The following SRCIN1 variants were observed in gnomAD, a reference collection of about 807,000 sequenced individuals.
SRCIN1 encodes the protein P130Cas-associated protein.
Under a neutral mutation model 116.2 loss-of-function variants are expected in SRCIN1, and 50 were observed. That is an observed-to-expected ratio of 0.43 (90% CI 0.34 to 0.54). SRCIN1 has a LOEUF of 0.54. Among genes scored for constraint, SRCIN1 ranks in the 20% least tolerant of loss-of-function variants. The pLI is 0.02. For synonymous variants in SRCIN1, 736 were observed against 750.0 expected (o/e 0.98, Z 0.30); for missense variants, 1,446 against 1,672.0 (o/e 0.86, Z 2.36).
Position 38,558,299 on chromosome 17 carries a change from C to G in SRCIN1, c.2129G>C (p.Arg710Pro), listed in dbSNP as rs757351056. The part of the protein sequence containing the change: ...AARRQEDPLQ[R>P]QRTLVEEERL... ...TTCCTCTTCCACCAGGGTGCGCTGC[C>G]GCTGCAGCGGGTCCTCCTGCCGCCG... The change falls in exon 11 of 19, where the codon CGG becomes CCG. Residue 710 changes from arginine (R) to proline (P), a missense_variant. Physicochemically the swap from Arg to Pro is moderately radical, Grantham distance 103 (BLOSUM62 -2). Around this residue, in one of 5 missense-constraint regions of SRCIN1, gnomAD observed 398 missense variants for 385.6 expected, o/e 1.03. Transcript: ENST00000617146. This position sits in a 1 kb window ranked among gnomAD's most constrained non-coding sequence, Gnocchi z 4.6. The G allele has an allele frequency of 6.2e-7, 1 of 1,611,960 alleles. No homozygotes were observed. Among genetic ancestry groups the G allele is most frequent in the Admixed American group, 1.7e-5 (1 of 60,012 alleles).
intron 17 of SRCIN1, among the ~76,000 whole-genome samples, chr17:38,545,714 CT>C (rs1181654471): frequency 2.0e-4 from 30 of 152,222 alleles, no homozygotes; most frequent in African/African-American, 7.2e-4. Flanking sequence ...CACACATTTA[CT>C]TTACACCACC....
Position 38,604,692 on chromosome 17 carries a change from C to T in SRCIN1, c.22+992G>A. ...TGAGCTGCGGAGGCACCCGGCCTGT[C>T]CCCTCTGCTTCCACCAGCATCCTGC... On this transcript the variant is annotated intron_variant, in intron 1 of 18. Transcript: ENST00000617146. The surrounding 1 kb of genome is among the most constrained non-coding windows in gnomAD (Gnocchi z 4.3). The T allele has an allele frequency of 2.9e-6, 1 of 347,508 alleles. No individual in the cohort carries two copies. Among genetic ancestry groups the T allele is most frequent in the South Asian group, 2.1e-5 (1 of 48,098 alleles). The allele number at this position is 347,508 out of a possible 1,614,324, so 21.5% of individuals were successfully genotyped here.
intron 2 of SRCIN1, among the ~76,000 whole-genome samples, chr17:38,578,255 C>T (rs1428979555): frequency 6.6e-6 from 1 of 152,252 alleles, no homozygotes; most frequent in Non-Finnish European, 1.5e-5. Context: ...TTCCGGACTG[C>T]AGGCAGAGGT....
chr17:38,537,856 CTT>C (rs1379568020), intron 18 of SRCIN1, among the ~76,000 whole-genome samples: 2 of 150,720 alleles, frequency 1.3e-5, no homozygotes, highest in African/African-American at 2.4e-5. Flanking sequence ...AATCCCAGCA[CTT>C]TGGGAGGCTG....
rs1276263393 is a variant in SRCIN1 at position 38,605,910 on chromosome 17, C to T, written c.-205G>A. The T allele has an allele frequency of 6.9e-6, 1 of 144,152 alleles. No homozygotes were observed. The highest frequency in any genetic ancestry group is 1.5e-5 in the Non-Finnish European group (1 of 65,086). The allele number at this position is 144,152 out of a possible 1,614,324, so 8.9% of individuals were successfully genotyped here. ...GTGAGCGCGCGCGCGGGCGTGTCACCGAGTGTGCGAGAGCGAGTGTGTGTG... is the reference window on the plus strand; with the variant it reads ...GTGAGCGCGCGCGCGGGCGTGTCACTGAGTGTGCGAGAGCGAGTGTGTGTG... On this transcript the variant is annotated 5_prime_UTR_variant, in exon 1 of 19. Transcript: ENST00000617146.
intron 1 of SRCIN1, among the ~76,000 whole-genome samples, chr17:38,588,910 C>T (rs1313004315): frequency 3.3e-5 from 5 of 152,102 alleles, no homozygotes; most frequent in Non-Finnish European, 7.4e-5. Flanking sequence ...CAGGCTCTCC[C>T]TAGGAGGCCT....
intron 7 of SRCIN1, 137 bp downstream of exon 7, chr17:38,561,326 C>A (rs923851958): frequency 1.5e-5 from 16 of 1,102,724 alleles, no homozygotes; most frequent in Middle Eastern, 3.1e-4. Context: ...TCTGGCGACC[C>A]TTCAAGACTA....
chr17:38,605,410 G>A (rs1408882469), intron 1 of SRCIN1, among the ~76,000 whole-genome samples: 1 of 145,184 alleles, frequency 6.9e-6, no homozygotes, highest in East Asian at 2.1e-4. Flanking sequence ...GGGGCGTAGT[G>A]AGGCCCTCCC....
intron 1 of SRCIN1, among the ~76,000 whole-genome samples, chr17:38,593,195 G>A (rs1030562904): frequency 6.6e-6 from 1 of 152,154 alleles, no homozygotes; most frequent in Non-Finnish European, 1.5e-5. Context: ...GAGCAGGAAT[G>A]GGAGGTGATG....
intron 1 of SRCIN1, among the ~76,000 whole-genome samples, chr17:38,605,054 G>A (rs537367411): frequency 6.6e-6 from 1 of 151,940 alleles, no homozygotes; most frequent in African/African-American, 2.4e-5. Context: ...CAGGGCTAGG[G>A]CCTCGAGGTG....
chr17:38,561,425 C>T (rs1376067033), intron 7 of SRCIN1, 38 bp downstream of exon 7: 3 of 1,466,928 alleles, frequency 2.0e-6, no homozygotes, highest in South Asian at 2.8e-5. Context: ...AGCGCACCCC[C>T]CACCCCCAGT....
intron 11 of SRCIN1, among the ~76,000 whole-genome samples, chr17:38,557,565 C>T (rs1905890146): frequency 6.6e-6 from 1 of 152,188 alleles, no homozygotes; most frequent in African/African-American, 2.4e-5. Flanking sequence ...GCAGCGTCTC[C>T]CTTCAAAGGT....
chr17:38,583,721 T>C (rs1301336300), intron 1 of SRCIN1, among the ~76,000 whole-genome samples: 1 of 151,900 alleles, frequency 6.6e-6, no homozygotes, highest in African/African-American at 2.4e-5. Flanking sequence ...CCCAGCTAAT[T>C]TTTGTATTTT....
At position 38,551,953 on chromosome 17, in the gene SRCIN1, C is replaced by T. The variant is rs771867107; in HGVS notation, c.2660G>A (p.Gly887Glu). 2 of 1,613,930 alleles carry T rather than the reference C, an allele frequency of 1.2e-6. No homozygotes were observed. Among genetic ancestry groups the T allele is most frequent in the African/African-American group, 2.7e-5 (2 of 74,940 alleles). Residue 887 changes from glycine to glutamate, a missense_variant, in exon 14 of 19, where the codon GGG becomes GAG. Around this residue, in one of 5 missense-constraint regions of SRCIN1, gnomAD observed 531 missense variants for 633.9 expected, o/e 0.84. Transcript: ENST00000617146. ...PAEGASLTPK[G>E]GNPTKGLDTP... is the part of the protein sequence containing the mutation. ...GTCCAGGCCTTTGGTGGGGTTGCCCCCCTTGGGGGTAAGAGAGGCTCCTTC... is the reference window on the plus strand; with the variant it reads ...GTCCAGGCCTTTGGTGGGGTTGCCCTCCTTGGGGGTAAGAGAGGCTCCTTC...
intron 1 of SRCIN1, among the ~76,000 whole-genome samples, chr17:38,590,367 C>T (rs556600626): frequency 1.3e-5 from 2 of 152,232 alleles, no homozygotes; most frequent in African/African-American, 4.8e-5. Flanking sequence ...TCCCGAGTAG[C>T]TGGGACTACA....
At chr17:38,537,915 C>T (rs907841871) in intron 18 of SRCIN1, among the ~76,000 whole-genome samples, 1 of 151,246 alleles carries the variant, frequency 6.6e-6, no homozygotes, top group African/African-American at 2.4e-5. Context: ...GCCTGGCCAA[C>T]ATGGTGAAAC....
rs1908071199 is a variant in SRCIN1 at position 38,585,604 on chromosome 17, C to G, written c.23-6813G>C. On this transcript the variant is annotated intron_variant, in intron 1 of 18. Transcript: ENST00000617146. This position sits in a 1 kb window ranked among gnomAD's most constrained non-coding sequence, Gnocchi z 4.2. The stretch of plus-strand genomic sequence containing the variant: ...CCCTGGCTCTGCCTTCCTTGTGTGC[C>G]CATACTCCTCAGTTTCTGCTGGCTG... 6.6e-6 allele frequency among the ~76,000 whole-genome samples: 1 copy of G among 152,176 alleles called. No homozygotes were observed. Among genetic ancestry groups the G allele is most frequent in the South Asian group, 2.1e-4 (1 of 4,832 alleles).
chr17:38,547,422 C>T (rs547379881), intron 17 of SRCIN1, among the ~76,000 whole-genome samples: 3 of 152,268 alleles, frequency 2.0e-5, no homozygotes, highest in African/African-American at 7.2e-5. Flanking sequence ...ACTCAGCCTT[C>T]GGGCCAGACC....
intron 18 of SRCIN1, among the ~76,000 whole-genome samples, chr17:38,540,345 CATT>C (rs1904649721): frequency 1.3e-5 from 2 of 152,218 alleles, no homozygotes; most frequent in African/African-American, 4.8e-5. Context: ...TCCATCTCAA[CATT>C]ATCAAAGACA....
Sources: allele counts gnomAD v4.1 joint callset (sites outside exome capture counted in the v4.1 genomes callset), GRCh38; gene constraint gnomAD v4.1.1; regional missense constraint gnomAD v4.1.1; non-coding constraint Gnocchi (gnomAD v3.1); transcripts MANE v1.5; gene names NCBI Gene and HGNC (gene_info 2026-07-23, HGNC 2026-07-21).